MYT1L: variants seen among roughly 807,000 people sequenced by gnomAD.
MYT1L encodes myelin transcription factor 1-like protein.
MYT1L carries 12 observed loss-of-function variants against 126.7 expected under a neutral mutation model. That is an observed-to-expected ratio of 0.09 (90% CI 0.06 to 0.15). MYT1L has a LOEUF of 0.15. MYT1L is among the 10% of genes least tolerant of loss of function. The pLI is 1.00. For synonymous variants in MYT1L, 541 were observed against 604.2 expected (o/e 0.90, Z 1.53); for missense variants, 979 against 1,585.2 (o/e 0.62, Z 6.49).
At chr2:1,897,829 A>G (rs576230816) in intron 14 of MYT1L, among the ~76,000 whole-genome samples, 2 of 152,290 alleles carry the variant, frequency 1.3e-5, no homozygotes, top group East Asian at 3.9e-4. Context: ...ATGTTCTTCC[A>G]GGCGCCCAGA....
intron 21 of MYT1L, among the ~76,000 whole-genome samples, chr2:1,822,168 T>G (rs1314212219): frequency 6.6e-6 from 1 of 152,190 alleles, no homozygotes; most frequent in South Asian, 2.1e-4. Flanking sequence ...GCCTGAGCCA[T>G]GTGTGCTTGG....
intron 2 of MYT1L, among the ~76,000 whole-genome samples, chr2:2,268,590 A>G (rs2095191323): frequency 6.6e-6 from 1 of 152,164 alleles, no homozygotes; most frequent in Non-Finnish European, 1.5e-5. Context: ...TGAGTAATAA[A>G]CTCACAAATA....
chr2:2,005,073 T>A (rs1258867865), intron 4 of MYT1L, among the ~76,000 whole-genome samples: 2 of 151,448 alleles, frequency 1.3e-5, no homozygotes, highest in African/African-American at 4.9e-5. Flanking sequence ...CCTGCATGCG[T>A]TCTTTCCTGC....
chr2:2,115,479 C>T lies in MYT1L; in HGVS notation c.-304+57393G>A, dbSNP rs113427498. Among the ~76,000 whole-genome samples the T allele has an allele frequency of 5.1e-3, 778 of 152,280 alleles. 2 individuals carry two copies. The highest frequency in any genetic ancestry group is 7.7e-3 in the South Asian group (37 of 4,828). On this transcript the variant is annotated intron_variant, in intron 3 of 24. Coordinates refer to ENST00000647738, the MANE Select transcript of MYT1L (RefSeq NM_001303052.2). ...AGGCATAGGAAGGTTCTCGTGCTTCCGTATTGACTCTATTTATAGAAAAAG... is the reference window on the plus strand; with the variant it reads ...AGGCATAGGAAGGTTCTCGTGCTTCTGTATTGACTCTATTTATAGAAAAAG...
intron 8 of MYT1L, among the ~76,000 whole-genome samples, chr2:1,962,900 T>C (rs1193638192): frequency 6.6e-6 from 1 of 152,202 alleles, no homozygotes; most frequent in African/African-American, 2.4e-5. Flanking sequence ...TTGCAATCAA[T>C]GTATTCCAAA....
chr2:2,130,176 C>T (rs574097216), intron 3 of MYT1L, among the ~76,000 whole-genome samples: 8 of 151,600 alleles, frequency 5.3e-5, no homozygotes, highest in African/African-American at 1.2e-4. Flanking sequence ...AAAGGGGTTC[C>T]GAATAGGGAC....
chr2:2,003,265 T>G (rs1489305344), intron 4 of MYT1L, among the ~76,000 whole-genome samples: 1 of 152,212 alleles, frequency 6.6e-6, no homozygotes, highest in Non-Finnish European at 1.5e-5. Context: ...AAAGGCTTTT[T>G]GGGCTTTTCC....
At chr2:1,931,291 C>T (rs1480526784) in intron 9 of MYT1L, among the ~76,000 whole-genome samples, 1 of 152,244 alleles carries the variant, frequency 6.6e-6, no homozygotes, top group Non-Finnish European at 1.5e-5. Context: ...CTTTGAATAC[C>T]TCACGTCTGC....
chr2:2,099,996 C>T (rs1389148325), intron 3 of MYT1L, among the ~76,000 whole-genome samples: 1 of 152,238 alleles, frequency 6.6e-6, no homozygotes, highest in African/African-American at 2.4e-5. Flanking sequence ...TGTCCATCCT[C>T]ACCCTGTCCA....
At chr2:2,239,617 A>G (rs1012568415) in intron 2 of MYT1L, among the ~76,000 whole-genome samples, 6 of 152,220 alleles carry the variant, frequency 3.9e-5, no homozygotes, top group Admixed American at 2.0e-4. Context: ...CATGCCGTCA[A>G]CCTAAGACTG....
At chr2:2,046,734 T>C (rs530030542) in intron 4 of MYT1L, among the ~76,000 whole-genome samples, 1 of 152,326 alleles carries the variant, frequency 6.6e-6, no homozygotes, top group East Asian at 1.9e-4. Context: ...TTTGCTCTCC[T>C]GTGTGTAAAT....
chr2:1,990,231 C>T (rs2149558254), intron 5 of MYT1L, among the ~76,000 whole-genome samples: 1 of 152,348 alleles, frequency 6.6e-6, no homozygotes, highest in Admixed American at 6.5e-5. Context: ...TGTGGGAACT[C>T]ACAGTTCTCC....
intron 2 of MYT1L, among the ~76,000 whole-genome samples, chr2:2,266,328 A>G (rs949832160): frequency 6.6e-6 from 1 of 152,178 alleles, no homozygotes; most frequent in African/African-American, 2.4e-5. Flanking sequence ...TGCAATGGAA[A>G]CTGATGGAAT....
In MYT1L at chr2:1,978,264, C is replaced by T. The variant is rs538167179; in HGVS notation, c.152+901G>A. ...GCGGCAGATGCACCCGCTTTAGAAT[C>T]AGTTTTGTGACCTGGGTCTGCTCAC... On this transcript the variant is annotated intron_variant, in intron 8 of 24. Transcript: ENST00000647738. 3.3e-5 allele frequency among the ~76,000 whole-genome samples: 5 copies of T among 152,328 alleles called. No individual in the cohort carries two copies. The South Asian group carries it at 1.0e-3, about 32-fold the overall frequency.
chr2:1,890,521 C>A (rs570816972), intron 15 of MYT1L, among the ~76,000 whole-genome samples: 37 of 151,926 alleles, frequency 2.4e-4, no homozygotes, highest in Admixed American at 1.2e-3. Context: ...TAAAAAAAAA[C>A]CCCAAAGAGG....
At chr2:1,814,996 C>T (rs1331064201) in intron 21 of MYT1L, among the ~76,000 whole-genome samples, 2 of 152,130 alleles carry the variant, frequency 1.3e-5, no homozygotes, top group African/African-American at 2.4e-5. Context: ...TTTCTAAGCT[C>T]GGGTGTTTCA....
At chr2:1,794,667 G>A (rs2147816242) in intron 23 of MYT1L, among the ~76,000 whole-genome samples, 1 of 152,324 alleles carries the variant, frequency 6.6e-6, no homozygotes, top group South Asian at 2.1e-4. Context: ...AGCCCCTTCT[G>A]CAGAGGCAGA....
intron 2 of MYT1L, among the ~76,000 whole-genome samples, chr2:2,184,277 T>C (rs1424927634): frequency 6.6e-6 from 1 of 152,180 alleles, no homozygotes; most frequent in Admixed American, 6.5e-5. Context: ...AATAAATACA[T>C]TACAGTGTTA....
intron 1 of MYT1L, among the ~76,000 whole-genome samples, chr2:2,293,777 G>A (rs561431060): frequency 2.9e-4 from 44 of 152,190 alleles, no homozygotes; most frequent in South Asian, 1.0e-3. Context: ...CCCTCCTCCC[G>A]GCTCCTCTGG....
Sources: allele counts gnomAD v4.1 joint callset (sites outside exome capture counted in the v4.1 genomes callset), GRCh38; gene constraint gnomAD v4.1.1; transcripts MANE v1.5; gene names NCBI Gene and HGNC (gene_info 2026-07-23, HGNC 2026-07-21).